SYT9: variants seen among roughly 807,000 people sequenced by gnomAD.
SYT9 encodes the protein synaptotagmin-9.
A neutral mutation model predicts 48.4 loss-of-function variants in SYT9; 22 were observed. The observed-to-expected ratio is 0.45, with a 90% CI of 0.32 to 0.65. The LOEUF (loss-of-function observed/expected upper bound fraction) is 0.65, where lower values mean the gene tolerates loss of function less well. Ranked by LOEUF, SYT9 falls within the 30% of genes least tolerant of loss-of-function variation. SYT9 has a pLI of 0.03. For missense variants in SYT9, 577 were observed against 622.0 expected, an observed-to-expected ratio of 0.93 and a Z score of 0.77; for synonymous variants, 265 against 245.0, an observed-to-expected ratio of 1.08 and a Z score of -0.76.
At chr11:7,278,145 C>T (rs540578452) in intron 1 of SYT9, among the ~76,000 whole-genome samples, 105 of 152,194 alleles carry the variant, frequency 6.9e-4, no homozygotes, top group Non-Finnish European at 1.2e-3. Context: ...TGCCCTGGGT[C>T]GAGGCAGGGT....
chr11:7,398,110 C>A (rs1846793036), intron 3 of SYT9, among the ~76,000 whole-genome samples: 1 of 152,114 alleles, frequency 6.6e-6, no homozygotes, highest in Non-Finnish European at 1.5e-5. Context: ...TTTTACAGAT[C>A]CCCATCCTAA....
intron 3 of SYT9, among the ~76,000 whole-genome samples, chr11:7,353,378 C>A (rs1204887663): frequency 6.6e-6 from 1 of 152,158 alleles, no homozygotes; most frequent in African/African-American, 2.4e-5. Context: ...TCAGCCCCTG[C>A]AGCATATAGC....
chr11:7,356,298 A>T (rs1313882118), intron 3 of SYT9, among the ~76,000 whole-genome samples: 3 of 152,222 alleles, frequency 2.0e-5, no homozygotes, highest in Admixed American at 6.5e-5. Context: ...TTTAATTTCA[A>T]TACCTTCTTT....
At chr11:7,289,889 A>G (rs1848667673) in intron 1 of SYT9, among the ~76,000 whole-genome samples, 1 of 152,254 alleles carries the variant, frequency 6.6e-6, no homozygotes, top group South Asian at 2.1e-4. Flanking sequence ...TTATTTTAGT[A>G]GCATGAATTA....
At chr11:7,358,314 G>A (rs562318757) in intron 3 of SYT9, among the ~76,000 whole-genome samples, 70 of 151,986 alleles carry the variant, frequency 4.6e-4, no homozygotes, top group Non-Finnish European at 8.1e-4. Context: ...AATGCTATTG[G>A]TTTTTGAAAA....
At chr11:7,295,764 G>C (rs777109190) in intron 1 of SYT9, among the ~76,000 whole-genome samples, 19 of 152,102 alleles carry the variant, frequency 1.2e-4, no homozygotes, top group Non-Finnish European at 2.2e-4. Context: ...CCATGTATTG[G>C]TTTATGTATG....
At chr11:7,271,094 C>T (rs185743326) in intron 1 of SYT9, among the ~76,000 whole-genome samples, 22 of 151,932 alleles carry the variant, frequency 1.4e-4, no homozygotes, top group East Asian at 5.8e-4. Context: ...CTCACATCTG[C>T]GAATGTTAAC....
chr11:7,316,144 T>C (rs1400794248), intron 3 of SYT9, among the ~76,000 whole-genome samples: 1 of 151,112 alleles, frequency 6.6e-6, no homozygotes, highest in Admixed American at 6.6e-5. Flanking sequence ...AGAATGTATA[T>C]AATATAGTAA....
At chr11:7,323,185 G>T (rs1849367600) in intron 3 of SYT9, among the ~76,000 whole-genome samples, 2 of 152,106 alleles carry the variant, frequency 1.3e-5, no homozygotes, top group South Asian at 4.2e-4. Flanking sequence ...ATACATGCAG[G>T]AATTTCTGTA....
chr11:7,300,402 G>T (rs542361676), intron 1 of SYT9, among the ~76,000 whole-genome samples: 1 of 152,208 alleles, frequency 6.6e-6, no homozygotes, highest in Non-Finnish European at 1.5e-5. Flanking sequence ...ATATTCACTC[G>T]TATTTCATTG....
At chr11:7,256,977 CAAACAAACAAAGAAA>C (rs1432547350) in intron 1 of SYT9, among the ~76,000 whole-genome samples, 2 of 151,866 alleles carry the variant, frequency 1.3e-5, no homozygotes, top group African/African-American at 4.8e-5. Context: ...GGAGCTGGAA[CAAACAAACAAAGAAA>C]AAACAAACAA....
At chr11:7,415,948 CA>C (rs1847238107) in intron 3 of SYT9, 93 bp from the exon 4 acceptor site, 17 of 1,461,202 alleles carry the variant, frequency 1.2e-5, no homozygotes, top group Middle Eastern at 1.9e-4. Context: ...GCAAAAGGGG[CA>C]GTGTGTTCCC....
intron 3 of SYT9, among the ~76,000 whole-genome samples, chr11:7,387,863 A>T (rs929737251): frequency 2.0e-5 from 3 of 152,170 alleles, no homozygotes; most frequent in African/African-American, 7.2e-5. Flanking sequence ...ACGTGAAAAC[A>T]TGTATGTTTG....
At chr11:7,368,031 A>C (rs1850284827) in intron 3 of SYT9, among the ~76,000 whole-genome samples, 1 of 152,238 alleles carries the variant, frequency 6.6e-6, no homozygotes, top group Non-Finnish European at 1.5e-5. Flanking sequence ...ACTTAGTCAC[A>C]TAGAGAGTGG....
At chr11:7,249,839 TCTTA>T (rs1181603352), upstream of SYT9, among the ~76,000 whole-genome samples, 1 of 152,206 alleles carries the variant, frequency 6.6e-6, no homozygotes, top group African/African-American at 2.4e-5. Context: ...ATCTTGAATG[TCTTA>T]CTGTCTACTT....
chr11:7,394,277 C>G (rs559031719), intron 3 of SYT9, among the ~76,000 whole-genome samples: 15 of 152,228 alleles, frequency 9.9e-5, no homozygotes, highest in Non-Finnish European at 2.1e-4. Context: ...CATGTCCCTA[C>G]AAAGGACATG....
At chr11:7,416,713 A>C (rs10839778) in intron 4 of SYT9, among the ~76,000 whole-genome samples, 77,877 of 152,122 alleles carry the variant, frequency 0.51, 22,124 homozygotes, top group Non-Finnish European at 0.65. Flanking sequence ...CATTTTATAT[A>C]AGGGACCTGA....
intron 3 of SYT9, among the ~76,000 whole-genome samples, chr11:7,338,115 T>C (rs1036725615): frequency 1.1e-4 from 17 of 152,206 alleles, no homozygotes; most frequent in African/African-American, 3.9e-4. Flanking sequence ...CAGGGACTTA[T>C]CTATCTCTTC....
chr11:7,241,020 G>C (rs1385746508), intron 1 of SYT9, among the ~76,000 whole-genome samples: 4 of 151,990 alleles, frequency 2.6e-5, no homozygotes, highest in Admixed American at 2.6e-4. Context: ...ATTCTACTTG[G>C]AAAGAAATAG....
Sources: allele counts gnomAD v4.1 joint callset (sites outside exome capture counted in the v4.1 genomes callset), GRCh38; gene constraint gnomAD v4.1.1; transcripts MANE v1.5; gene names NCBI Gene and HGNC (gene_info 2026-07-23, HGNC 2026-07-21).